Variants in MORC3 observed in about 807,000 individuals in gnomAD.
The protein encoded by MORC3 is MORC family CW-type zinc finger protein 3.
A neutral mutation model predicts 109.1 loss-of-function variants in MORC3; 31 were observed. That is an observed-to-expected ratio of 0.28 (90% CI 0.21 to 0.38). The LOEUF is 0.38. Ranked by LOEUF, MORC3 falls within the 10% of genes least tolerant of loss-of-function variation. The pLI is 1.00. For synonymous variants in MORC3, 395 were observed against 380.7 expected (o/e 1.04, Z -0.44); for missense variants, 867 against 1,135.8 (o/e 0.76, Z 3.40).
At chr21:36,365,851 G>A (rs1015559418) in intron 14 of MORC3, among the ~76,000 whole-genome samples, 8 of 152,014 alleles carry the variant, frequency 5.3e-5, no homozygotes, top group African/African-American at 1.7e-4. Flanking sequence ...CAAAGTAATG[G>A]GATTACAGGT....
rs369567761 is a variant in MORC3, at chr21:36,333,793, T to TG, written c.112+75_112+76insG. 4.4e-5 allele frequency: 57 copies of TG among 1,288,122 alleles called. No individual in the cohort carries two copies. In the African/African-American group the frequency reaches 7.4e-4, roughly 17 times the overall value. The allele number at this position is 1,288,122 out of a possible 1,614,324, so 79.8% of individuals were successfully genotyped here. A position where few individuals can be genotyped will look rare whatever the true frequency, so the allele number is the denominator to read the frequency against. ...TTTTTTTTTTTGTTTTGTTTTGTTT[T>TG]TTTTTTTTAAACAGAGTCTCTCTCT... On this transcript the variant is annotated intron_variant, in intron 2 of 16. Coordinates refer to ENST00000400485, the MANE Select transcript of MORC3 (RefSeq NM_015358.3).
intron 10 of MORC3, 66 bp from the exon 11 acceptor site, chr21:36,359,889 G>T (rs1226403317): frequency 1.9e-6 from 3 of 1,571,680 alleles, no homozygotes. Context: ...AAATGATGTG[G>T]AACATCTGAT....
intron 10 of MORC3, 23 bp from the exon 11 acceptor site, chr21:36,359,932 A>G (rs1474180707): frequency 6.2e-7 from 1 of 1,613,408 alleles, no homozygotes; most frequent in Admixed American, 1.7e-5. Flanking sequence ...CTGTGTTAAT[A>G]TTTTGTTCTT....
intron 12 of MORC3, 74 bp downstream of exon 12, chr21:36,360,332 G>A: frequency 7.2e-7 from 1 of 1,396,952 alleles, no homozygotes; most frequent in South Asian, 1.2e-5. Context: ...AACATTATTT[G>A]ATGCTTCTCC....
intron 5 of MORC3, 88 bp downstream of exon 5, chr21:36,339,009 T>A: frequency 7.1e-7 from 1 of 1,401,864 alleles, no homozygotes; most frequent in Non-Finnish European, 9.8e-7. Context: ...TTACACACAG[T>A]AGAAATACAT....
chr21:36,359,857 A>G, intron 10 of MORC3, 98 bp from the exon 11 acceptor site: 1 of 1,511,698 alleles, frequency 6.6e-7, no homozygotes, highest in Non-Finnish European at 9.1e-7. Context: ...GAAAGGAATT[A>G]AATAATGGCA....
chr21:36,371,815 GTTTTTTT>G (rs545030354), intron 15 of MORC3, among the ~76,000 whole-genome samples: 1 of 124,276 alleles, frequency 8.0e-6, no homozygotes, highest in Non-Finnish European at 1.6e-5. Flanking sequence ...GTTTTGTTTT[GTTTTTTT>G]TTTTTTTTGA....
chr21:36,360,289 T>C, intron 12 of MORC3, 31 bp downstream of exon 12: 5 of 1,578,174 alleles, frequency 3.2e-6, no homozygotes, highest in Non-Finnish European at 3.5e-6. Context: ...TAGTGGGTAA[T>C]AATGCCCAGA....
chr21:36,340,638 C>CTTTTTTTTTT (rs34899654), intron 5 of MORC3, among the ~76,000 whole-genome samples: 2 of 123,678 alleles, frequency 1.6e-5, no homozygotes, highest in African/African-American at 3.0e-5. Context: ...TTCTTTCTTT[C>CTTTTTTTTTT]TTTTTTTTTT....
At chr21:36,357,178 A>C (rs1200028103) in intron 10 of MORC3, among the ~76,000 whole-genome samples, 1 of 152,222 alleles carries the variant, frequency 6.6e-6, no homozygotes, top group Non-Finnish European at 1.5e-5. Flanking sequence ...TATATGAATT[A>C]AATAATATGC....
chr21:36,372,229 G>T, intron 15 of MORC3, 145 bp from the exon 16 acceptor site: 1 of 626,388 alleles, frequency 1.6e-6, no homozygotes, highest in Non-Finnish European at 2.5e-6. Context: ...CTTGTTTATA[G>T]AAAACTACTG....
intron 16 of MORC3, among the ~76,000 whole-genome samples, chr21:36,373,551 A>G (rs2085894615): frequency 6.6e-6 from 1 of 152,056 alleles, no homozygotes; most frequent in Non-Finnish European, 1.5e-5. Context: ...TGAACCTGGG[A>G]GAAGGAGGTT....
intron 14 of MORC3, 73 bp downstream of exon 14, chr21:36,364,332 G>A: frequency 6.8e-7 from 1 of 1,461,932 alleles, no homozygotes; most frequent in Non-Finnish European, 9.4e-7. Flanking sequence ...CTGTGACAGT[G>A]ATGCAATTCG....
At chr21:36,320,445 A>C in intron 1 of MORC3, 142 bp downstream of exon 1, 1 of 769,156 alleles carries the variant, frequency 1.3e-6, no homozygotes, top group Non-Finnish European at 1.8e-6. Context: ...GGGGGCGGCC[A>C]TCTCGCTCCC....
rs770659896 is a variant in MORC3, at chr21:36,369,349, G to T, written c.1981G>T (p.Val661Leu). The T allele has an allele frequency of 6.2e-7, 1 of 1,614,152 alleles. No individual in the cohort carries two copies. Among genetic ancestry groups the T allele is most frequent in the Admixed American group, 1.7e-5 (1 of 60,006 alleles). Residue 661 changes from valine to leucine, a missense_variant, in exon 15 of 17, where the codon GTA becomes TTA. Physicochemically the swap from Val to Leu is conservative, Grantham distance 32. Coordinates refer to ENST00000400485, the MANE Select transcript of MORC3 (RefSeq NM_015358.3). The stretch of plus-strand genomic sequence containing the variant: ...AGAAACTGTTGAAGACGAGATAGAC[G>T]TAAGAAATGATGCAGTGATTCTGCC... ...KEETVEDEID[V>L]RNDAVILPSC...
At chr21:36,327,510 AG>A (rs2085262758) in intron 1 of MORC3, among the ~76,000 whole-genome samples, 2 of 151,474 alleles carry the variant, frequency 1.3e-5, no homozygotes, top group Non-Finnish European at 2.9e-5. Flanking sequence ...TAAGTGTTCT[AG>A]TGAACTGAAC....
chr21:36,332,313 G>C (rs369894085), intron 1 of MORC3, among the ~76,000 whole-genome samples: 1 of 152,134 alleles, frequency 6.6e-6, no homozygotes, highest in African/African-American at 2.4e-5. Context: ...GTGCGCACCT[G>C]TAATCCCAGC....
intron 9 of MORC3, among the ~76,000 whole-genome samples, chr21:36,350,306 C>A (rs765562027): frequency 2.6e-5 from 4 of 151,582 alleles, no homozygotes; most frequent in Non-Finnish European, 4.4e-5. Context: ...GATCCCGTCT[C>A]AGGAAAAAAA....
Position 36,333,816 on chromosome 21 carries a change from T to C in MORC3, c.112+98T>C, listed in dbSNP as rs1277000687. The C allele has an allele frequency of 4.9e-6, 5 of 1,023,348 alleles. No individual in the cohort carries two copies. In the South Asian group the frequency reaches 7.3e-5, roughly 15 times the overall value. 63.4% of individuals were successfully genotyped at this position (1,023,348 alleles called of 1,614,324 possible). On this transcript the variant is annotated intron_variant, in intron 2 of 16. Transcript: ENST00000400485. Reference sequence around the variant, plus strand: ...TTTTTTTTTTTAAACAGAGTCTCTCTCTGTCGCCCAGGCTGGAGTGCAGTG... The same window carrying C: ...TTTTTTTTTTTAAACAGAGTCTCTCCCTGTCGCCCAGGCTGGAGTGCAGTG...
Sources: allele counts gnomAD v4.1 joint callset (sites outside exome capture counted in the v4.1 genomes callset), GRCh38; gene constraint gnomAD v4.1.1; transcripts MANE v1.5; gene names NCBI Gene and HGNC (gene_info 2026-07-23, HGNC 2026-07-21).